FKBP6: variants seen among roughly 807,000 people sequenced by gnomAD.
The protein encoded by FKBP6 is FKBP prolyl isomerase family member 6 (inactive).
FKBP6 carries 29 observed loss-of-function variants against 41.7 expected under a neutral mutation model. The ratio of observed to expected loss-of-function variants is 0.70; its 90% CI spans 0.52 to 0.95. FKBP6 has a LOEUF of 0.95. FKBP6 is among the 40% of genes least tolerant of loss of function. The pLI is 0.00. For missense variants in FKBP6, 338 were observed against 408.7 expected (o/e 0.83, Z 1.49); for synonymous variants, 130 against 165.1 (o/e 0.79, Z 1.63).
At chr7:73,344,119 G>T (rs971067997) in intron 8 of FKBP6, among the ~76,000 whole-genome samples, 7 of 152,224 alleles carry the variant, frequency 4.6e-5, no homozygotes, top group African/African-American at 2.4e-5. Flanking sequence ...ATGTGAGCCA[G>T]AGGACTTCCC....
intron 5 of FKBP6, among the ~76,000 whole-genome samples, chr7:73,334,508 GCA>G (rs782737396): frequency 9.9e-5 from 15 of 151,370 alleles, no homozygotes; most frequent in Non-Finnish European, 8.8e-5. Flanking sequence ...GGGGGGCCAG[GCA>G]CAGTGACTCA....
intron 8 of FKBP6, among the ~76,000 whole-genome samples, chr7:73,350,972 G>T (rs1805473948): frequency 6.6e-6 from 1 of 152,240 alleles, no homozygotes; most frequent in African/African-American, 2.4e-5. Flanking sequence ...TTCCCAAAGA[G>T]ATTAAGAAAT....
intron 8 of FKBP6, among the ~76,000 whole-genome samples, chr7:73,356,021 G>A (rs1004040041): frequency 1.4e-5 from 2 of 139,888 alleles, no homozygotes; most frequent in Admixed American, 1.5e-4. Context: ...AGCAGAGATC[G>A]TGCCACTGCA....
intron 6 of FKBP6, 41 bp downstream of exon 6, chr7:73,340,873 A>G: frequency 6.9e-7 from 1 of 1,454,434 alleles, no homozygotes; most frequent in South Asian, 1.1e-5. Context: ...ACACCCAGGA[A>G]AAGGTAGTAG....
At chr7:73,345,285 G>C (rs1242363854) in intron 8 of FKBP6, among the ~76,000 whole-genome samples, 5 of 151,900 alleles carry the variant, frequency 3.3e-5, no homozygotes, top group Admixed American at 2.0e-4. Context: ...CAGAGTTGAG[G>C]AGGAGTTTGG....
At chr7:73,349,364 C>T (rs1805421477) in intron 8 of FKBP6, among the ~76,000 whole-genome samples, 1 of 147,882 alleles carries the variant, frequency 6.8e-6, no homozygotes, top group African/African-American at 2.5e-5. Flanking sequence ...AGCTGCACAC[C>T]ACTGCGCTCC....
chr7:73,348,781 A>G (rs540740886), intron 8 of FKBP6, among the ~76,000 whole-genome samples: 1 of 152,306 alleles, frequency 6.6e-6, no homozygotes, highest in African/African-American at 2.4e-5. Flanking sequence ...ACCTACTTAT[A>G]GTCACTAGTT....
chr7:73,343,842 G>A (rs1805264392), intron 8 of FKBP6, among the ~76,000 whole-genome samples: 1 of 152,194 alleles, frequency 6.6e-6, no homozygotes, highest in Admixed American at 6.5e-5. Context: ...AACAGCTGCT[G>A]AACGGGCTCA....
chr7:73,330,370 G>T lies in FKBP6; in HGVS notation c.468+18G>T, dbSNP rs782322008. 2.0e-5 allele frequency: 32 copies of T among 1,578,724 alleles called. No individual in the cohort carries two copies. Among genetic ancestry groups the T allele is most frequent in the Middle Eastern group, 1.7e-4 (1 of 6,022 alleles). ...TCTCAGCTGTAAGTTCCAGAGCACAGATGTCAGCACTTTATAGAGAGACGA... is the reference window on the plus strand; with the variant it reads ...TCTCAGCTGTAAGTTCCAGAGCACATATGTCAGCACTTTATAGAGAGACGA... On this transcript the variant is annotated intron_variant, in intron 4 of 8. Transcript: ENST00000252037.
intron 5 of FKBP6, among the ~76,000 whole-genome samples, chr7:73,339,823 G>A (rs1554549127): frequency 6.6e-6 from 1 of 152,052 alleles, no homozygotes; most frequent in Non-Finnish European, 1.5e-5. Context: ...ATGTTGGCCA[G>A]ACGGGTCTCG....
chr7:73,355,110 G>C (rs1478504668), intron 8 of FKBP6, among the ~76,000 whole-genome samples: 1 of 152,212 alleles, frequency 6.6e-6, no homozygotes, highest in Non-Finnish European at 1.5e-5. Context: ...TGGCATTGCT[G>C]CTTGGGTTTC....
At chr7:73,341,430 C>A in intron 7 of FKBP6, 48 bp downstream of exon 7, 1 of 1,158,416 alleles carries the variant, frequency 8.6e-7, no homozygotes, top group African/African-American at 1.5e-5. Context: ...GGGGTTGTGA[C>A]TCTGGTCTGT....
chr7:73,353,117 T>G (rs1481389081), intron 8 of FKBP6, among the ~76,000 whole-genome samples: 3 of 152,112 alleles, frequency 2.0e-5, no homozygotes, highest in Non-Finnish European at 4.4e-5. Flanking sequence ...TCTCACCCTC[T>G]CTGTGAATCT....
intron 8 of FKBP6, among the ~76,000 whole-genome samples, chr7:73,346,518 G>A (rs1805336917): frequency 6.6e-6 from 1 of 152,220 alleles, no homozygotes; most frequent in Non-Finnish European, 1.5e-5. Context: ...AGTTGTGAGA[G>A]GTCCTGATAT....
intron 4 of FKBP6, 86 bp downstream of exon 4, chr7:73,330,438 G>A: frequency 1.9e-6 from 2 of 1,045,312 alleles, no homozygotes; most frequent in Non-Finnish European, 2.9e-6. Flanking sequence ...GGCCTGCCCT[G>A]AGGCTGATCG....
intron 8 of FKBP6, among the ~76,000 whole-genome samples, chr7:73,351,079 T>C (rs996105409): frequency 1.3e-5 from 2 of 152,208 alleles, no homozygotes; most frequent in African/African-American, 2.4e-5. Context: ...TGTAATTATT[T>C]TTTTTTCCTT....
chr7:73,354,203 T>C (rs782424885), intron 8 of FKBP6, among the ~76,000 whole-genome samples: 7 of 152,160 alleles, frequency 4.6e-5, no homozygotes, highest in Non-Finnish European at 8.8e-5. Flanking sequence ...AAGGGTGGGC[T>C]CCAGACCACT....
intron 5 of FKBP6, among the ~76,000 whole-genome samples, chr7:73,332,016 A>C (rs1804861583): frequency 6.6e-6 from 1 of 151,938 alleles, no homozygotes; most frequent in Non-Finnish European, 1.5e-5. Flanking sequence ...GGCACCCGCC[A>C]CTTCACCTGG....
intron 5 of FKBP6, among the ~76,000 whole-genome samples, chr7:73,335,127 C>G (rs1288655291): frequency 6.9e-6 from 1 of 144,364 alleles, no homozygotes; most frequent in Admixed American, 6.9e-5. Context: ...TGTACGTGTT[C>G]CTGGCCAAAA....
Sources: gnomAD v4.1 joint callset for allele counts (sites outside exome capture counted in the v4.1 genomes callset) on GRCh38, gnomAD v4.1.1 for gene constraint, MANE v1.5 for transcripts, NCBI Gene and HGNC (gene_info 2026-07-23, HGNC 2026-07-21) for gene names.